The following WDR49 variants were observed in gnomAD, a reference collection of about 807,000 sequenced individuals.
The protein encoded by WDR49 is WD repeat domain 49.
WDR49 carries 107 observed loss-of-function variants against 119.5 expected under a neutral mutation model. That is an observed-to-expected ratio of 0.90 (90% confidence interval 0.77 to 1.05). WDR49 has a LOEUF of 1.05. Ranked by LOEUF, WDR49 falls within the 50% of genes least tolerant of loss-of-function variation. WDR49 has a pLI of 0.00. For synonymous variants in WDR49, 425 were observed against 418.8 expected (o/e 1.01, Z -0.18); for missense variants, 1,240 against 1,220.5 (o/e 1.02, Z -0.24).
rs147981259 is a variant in WDR49, at chr3:167,584,720, A to C, written c.1276-8569T>G. Reference sequence around the variant, plus strand: ...ATCCAAAAAATAACCTTAGGCAACCATTTGTAGAAAAAATCTACACAAAAA... The same window carrying C: ...ATCCAAAAAATAACCTTAGGCAACCCTTTGTAGAAAAAATCTACACAAAAA... On this transcript the variant is annotated intron_variant, in intron 7 of 18. Coordinates refer to ENST00000682715, the MANE Select transcript of WDR49 (RefSeq NM_001366157.1). Among the ~76,000 whole-genome samples the C allele has an allele frequency of 2.5e-3, 375 of 152,036 alleles. 2 individuals carry two copies. Among genetic ancestry groups the C allele is most frequent in the African/African-American group, 8.7e-3 (360 of 41,476 alleles).
At chr3:167,521,355 A>G (rs1286353662) in intron 16 of WDR49, among the ~76,000 whole-genome samples, 1 of 152,158 alleles carries the variant, frequency 6.6e-6, no homozygotes, top group Non-Finnish European at 1.5e-5. Flanking sequence ...TACCCCCAGA[A>G]AAAAGAGAAT....
In WDR49 at chr3:167,500,202, T is replaced by A; in HGVS notation, c.2982A>T (p.Glu994Asp). 6.3e-7 allele frequency: 1 copy of A among 1,591,404 alleles called. No homozygotes were observed. Among genetic ancestry groups the A allele is most frequent in the South Asian group, 1.2e-5 (1 of 86,300 alleles). Residue 994 changes from glutamate to aspartate, a missense_variant, in exon 18 of 19, where the codon GAA becomes GAT. Transcript: ENST00000682715. ...LLDPEKYFRK[E>D]PEEERPQILE... ...GAATTTGGGGACGCTCTTCCTCTGG[T>A]TCTTTCCTAAAGTATTTCTCAGGGT...
intron 9 of WDR49, among the ~76,000 whole-genome samples, chr3:167,555,468 T>C (rs1197272810): frequency 6.6e-6 from 1 of 152,108 alleles, no homozygotes; most frequent in Non-Finnish European, 1.5e-5. Flanking sequence ...ATTAATCAGA[T>C]CCAAGGAGAG....
intron 2 of WDR49, among the ~76,000 whole-genome samples, chr3:167,644,944 GA>G (rs1342847255): frequency 6.6e-6 from 1 of 151,924 alleles, no homozygotes; most frequent in Non-Finnish European, 1.5e-5. Context: ...CACATGATTA[GA>G]AGCTATTTAT....
chr3:167,640,668 A>T (rs766088019), intron 2 of WDR49, among the ~76,000 whole-genome samples: 6 of 151,912 alleles, frequency 3.9e-5, no homozygotes, highest in Non-Finnish European at 8.8e-5. Context: ...AATCTGAGTT[A>T]TGTGCAAGAC....
At chr3:167,536,772 A>ATAT in intron 11 of WDR49, 98 bp downstream of exon 11, 1 of 459,670 alleles carries the variant, frequency 2.2e-6, no homozygotes, top group Non-Finnish European at 2.9e-6. Flanking sequence ...TATATATATA[A>ATAT]AACAACTGAG....
intron 8 of WDR49, among the ~76,000 whole-genome samples, chr3:167,569,438 TATA>T (rs1713801400): frequency 6.6e-6 from 1 of 152,208 alleles, no homozygotes; most frequent in Non-Finnish European, 1.5e-5. Context: ...TCATTCTATG[TATA>T]ATATTTTCTT....
At chr3:167,581,747 A>G (rs1230147182) in intron 7 of WDR49, among the ~76,000 whole-genome samples, 1 of 152,240 alleles carries the variant, frequency 6.6e-6, no homozygotes, top group Non-Finnish European at 1.5e-5. Context: ...GGGTATAAAT[A>G]GATGTGTGAA....
chr3:167,505,215 G>T, intron 17 of WDR49, 92 bp downstream of exon 17: 1 of 1,266,618 alleles, frequency 7.9e-7, no homozygotes, highest in Non-Finnish European at 1.0e-6. Context: ...TTAAGGAATA[G>T]GAACATTCCT....
At chr3:167,488,880 C>T (rs536349470) in intron 18 of WDR49, among the ~76,000 whole-genome samples, 1 of 152,154 alleles carries the variant, frequency 6.6e-6, no homozygotes, top group South Asian at 2.1e-4. Context: ...CTTTTCTGTC[C>T]CTGGAACATG....
At chr3:167,564,906 GA>G (rs796980602) in intron 8 of WDR49, among the ~76,000 whole-genome samples, 5 of 146,016 alleles carry the variant, frequency 3.4e-5, no homozygotes, top group East Asian at 2.0e-4. Context: ...CTGGGTCTAA[GA>G]AAAAAAAAAC....
Position 167,627,013 on chromosome 3 carries a change from A to C in WDR49, c.445T>G (p.Leu149Val). 7.5e-7 allele frequency: 1 copy of C among 1,328,236 alleles called. No homozygotes were observed. Among genetic ancestry groups the C allele is most frequent in the Non-Finnish European group, 9.6e-7 (1 of 1,040,790 alleles). 82.3% of individuals were successfully genotyped at this position (1,328,236 alleles called of 1,614,324 possible). A position where few individuals can be genotyped will look rare whatever the true frequency, so the allele number is the denominator to read the frequency against. ...GTCAGATAATGACTTGAATTTTTTA[A>C]GAAAATTACTTTTTGAATGGTGTCC... ...HKDTIQKVIF[L>V]KNSSHYLTIS... The change falls in exon 3 of 19, where the codon TTA (leucine) becomes GTA (valine). Residue 149 changes from leucine to valine, a missense_variant. By Grantham distance (32) the Leu-to-Val change is conservative (BLOSUM62 1). Transcript: ENST00000682715.
intron 7 of WDR49, among the ~76,000 whole-genome samples, chr3:167,577,938 A>C (rs1038969029): frequency 3.3e-5 from 5 of 152,114 alleles, no homozygotes; most frequent in Admixed American, 1.3e-4. Context: ...TTTACATATA[A>C]TTTATTTGGG....
intron 16 of WDR49, among the ~76,000 whole-genome samples, chr3:167,513,510 T>G (rs1351923137): frequency 1.3e-5 from 2 of 152,064 alleles, no homozygotes; most frequent in Admixed American, 6.6e-5. Flanking sequence ...AAAAACACCC[T>G]GAAGTACACA....
At chr3:167,549,375 G>A (rs185788468) in intron 10 of WDR49, among the ~76,000 whole-genome samples, 26 of 152,142 alleles carry the variant, frequency 1.7e-4, no homozygotes, top group South Asian at 1.2e-3. Context: ...ACTTTTTAAC[G>A]ATAGCCATTC....
chr3:167,616,770 C>G (rs1460158723), intron 5 of WDR49, among the ~76,000 whole-genome samples: 1 of 152,100 alleles, frequency 6.6e-6, no homozygotes, highest in African/African-American at 2.4e-5. Context: ...CACATATACA[C>G]ACACCCCAAG....
intron 18 of WDR49, among the ~76,000 whole-genome samples, chr3:167,490,577 G>A (rs1258181173): frequency 6.6e-6 from 1 of 151,974 alleles, no homozygotes; most frequent in Non-Finnish European, 1.5e-5. Flanking sequence ...CTTTACCGGT[G>A]CTAGATTTAA....
intron 7 of WDR49, among the ~76,000 whole-genome samples, chr3:167,585,745 CAT>C (rs1407077913): frequency 4.0e-5 from 6 of 151,492 alleles, no homozygotes; most frequent in Admixed American, 2.6e-4. Flanking sequence ...GTTATAATGA[CAT>C]ATTATTATAA....
chr3:167,585,355 T>C (rs960311292), intron 7 of WDR49, among the ~76,000 whole-genome samples: 8 of 151,554 alleles, frequency 5.3e-5, no homozygotes, highest in Middle Eastern at 3.4e-3. Flanking sequence ...AGAAACTTAT[T>C]ACAAAAACAT....
Sources: gnomAD v4.1 joint callset for allele counts (sites outside exome capture counted in the v4.1 genomes callset) on GRCh38, gnomAD v4.1.1 for gene constraint, MANE v1.5 for transcripts, NCBI Gene and HGNC (gene_info 2026-07-23, HGNC 2026-07-21) for gene names.